The following EYA4 variants were observed in gnomAD, a reference collection of about 807,000 sequenced individuals.
EYA4 encodes the protein protein phosphatase EYA4.
Under a neutral mutation model 87.9 loss-of-function variants are expected in EYA4, and 31 were observed. The observed-to-expected ratio is 0.35, with a 90% confidence interval of 0.27 to 0.48. The LOEUF is 0.48. EYA4 is among the 20% of genes least tolerant of loss of function. EYA4 has a pLI of 0.99. For synonymous variants in EYA4, 263 were observed against 270.6 expected (o/e 0.97, Z 0.28); for missense variants, 678 against 761.4 (o/e 0.89, Z 1.29).
At chr6:133,249,758 T>G (rs1020399277) in intron 1 of EYA4, among the ~76,000 whole-genome samples, 4 of 152,240 alleles carry the variant, frequency 2.6e-5, no homozygotes, top group African/African-American at 9.6e-5. Flanking sequence ...TGTTAGCTCC[T>G]CTGATAAGTT....
intron 2 of EYA4, among the ~76,000 whole-genome samples, chr6:133,329,399 A>T (rs1312725037): frequency 6.6e-6 from 1 of 152,110 alleles, no homozygotes; most frequent in Non-Finnish European, 1.5e-5. Flanking sequence ...GTAACCTCTC[A>T]TGAAAGAGAT....
chr6:133,269,600 G>C (rs1312292068), intron 1 of EYA4, among the ~76,000 whole-genome samples: 1 of 152,110 alleles, frequency 6.6e-6, no homozygotes, highest in African/African-American at 2.4e-5. Flanking sequence ...AATAAGGAAA[G>C]TAACATGTAC....
At chr6:133,352,640 A>G (rs1179895229) in intron 2 of EYA4, among the ~76,000 whole-genome samples, 2 of 152,176 alleles carry the variant, frequency 1.3e-5, no homozygotes, top group South Asian at 2.1e-4. Context: ...CTATTTCATC[A>G]GTAAATACAA....
At position 133,462,409 on chromosome 6, in the gene EYA4, G is replaced by T. The variant is rs1157191952; in HGVS notation, c.512G>T (p.Gly171Val). 1.2e-6 allele frequency: 2 copies of T among 1,613,932 alleles called. No individual in the cohort carries two copies. Among genetic ancestry groups the T allele is most frequent in the Admixed American group, 3.3e-5 (2 of 59,982 alleles). Residue 171 changes from glycine to valine, a missense_variant, in exon 8 of 20, where the codon GGG (glycine) becomes GTG (valine). Gly to Val is a moderately radical substitution (Grantham distance 109). Transcript: ENST00000355286. The part of the protein sequence containing the change: ...SAYAGQTQYS[G>V]MQQPAVYTAY... Reference sequence around the variant, plus strand: ...TATGCAGGCCAGACTCAGTATTCGGGGATGCAGCAGCCAGCCGTCTACACA... The same window carrying T: ...TATGCAGGCCAGACTCAGTATTCGGTGATGCAGCAGCCAGCCGTCTACACA...
intron 2 of EYA4, among the ~76,000 whole-genome samples, chr6:133,313,778 T>G (rs1052970161): frequency 6.6e-6 from 1 of 152,220 alleles, no homozygotes. Flanking sequence ...AGTAGGACTT[T>G]GTTTTCTGTC....
At chr6:133,294,644 T>C (rs1303728104) in intron 2 of EYA4, among the ~76,000 whole-genome samples, 2 of 152,164 alleles carry the variant, frequency 1.3e-5, no homozygotes, top group East Asian at 3.9e-4. Context: ...CTCGATTCAC[T>C]GCAACCTCCT....
At chr6:133,482,986 T>A in intron 12 of EYA4, 46 bp from the exon 13 acceptor site, 1 of 1,468,402 alleles carries the variant, frequency 6.8e-7, no homozygotes, top group Non-Finnish European at 9.5e-7. Flanking sequence ...GAGATTTCTG[T>A]TTCCTTGGAC....
intron 2 of EYA4, among the ~76,000 whole-genome samples, chr6:133,377,211 T>G (rs1337684450): frequency 6.6e-6 from 1 of 152,038 alleles, no homozygotes; most frequent in South Asian, 2.1e-4. Context: ...ACTTGAAAAG[T>G]AAGAATCAAC....
intron 13 of EYA4, among the ~76,000 whole-genome samples, chr6:133,488,992 A>G (rs1309220132): frequency 6.6e-6 from 1 of 152,182 alleles, no homozygotes; most frequent in Non-Finnish European, 1.5e-5. Flanking sequence ...TTTTTTGAGG[A>G]ATCGCAACAA....
intron 1 of EYA4, among the ~76,000 whole-genome samples, chr6:133,251,892 A>C (rs953994365): frequency 6.6e-6 from 1 of 152,200 alleles, no homozygotes; most frequent in Non-Finnish European, 1.5e-5. Flanking sequence ...GAGAATCCTA[A>C]TACCTTCCTC....
intron 11 of EYA4, among the ~76,000 whole-genome samples, chr6:133,475,062 A>G (rs1795607776): frequency 6.6e-6 from 1 of 152,090 alleles, no homozygotes; most frequent in Non-Finnish European, 1.5e-5. Flanking sequence ...CATGTATAGT[A>G]TTGGGTCAAG....
chr6:133,356,300 A>G (rs953069087), intron 2 of EYA4, among the ~76,000 whole-genome samples: 7 of 152,326 alleles, frequency 4.6e-5, no homozygotes, highest in African/African-American at 1.7e-4. Context: ...TATCACCAAC[A>G]TTAAAGTCAA....
At chr6:133,310,224 A>G (rs1285305339) in intron 2 of EYA4, among the ~76,000 whole-genome samples, 1 of 152,192 alleles carries the variant, frequency 6.6e-6, no homozygotes, top group African/African-American at 2.4e-5. Flanking sequence ...TCTTAGCAAA[A>G]TATTGGTTGG....
At chr6:133,351,222 T>G (rs1035565840) in intron 2 of EYA4, among the ~76,000 whole-genome samples, 1 of 152,222 alleles carries the variant, frequency 6.6e-6, no homozygotes, top group African/African-American at 2.4e-5. Context: ...AGGTGTGAAC[T>G]TTCAGGATCT....
At chr6:133,334,211 C>T (rs1305763585) in intron 2 of EYA4, among the ~76,000 whole-genome samples, 3 of 152,204 alleles carry the variant, frequency 2.0e-5, no homozygotes, top group African/African-American at 7.2e-5. Flanking sequence ...GATGCATATG[C>T]TAAAAGAAAA....
In EYA4 at chr6:133,466,693, G is replaced by C. The variant is rs183782771; in HGVS notation, c.804+1835G>C. ...GACTTCTAAGAGTTAGGTGAAGAAG[G>C]AGGGCAGTGGTGTTTCAGGCAAAGA... is the stretch of plus-strand genomic sequence containing the variant. On this transcript the variant is annotated intron_variant, in intron 10 of 19. Transcript: ENST00000355286. 7.5e-4 allele frequency among the ~76,000 whole-genome samples: 114 copies of C among 152,102 alleles called. 1 individual carries two copies. Among genetic ancestry groups the C allele is most frequent in the Middle Eastern group, 3.4e-3 (1 of 294 alleles).
At chr6:133,474,959 A>G (rs1426312591) in intron 11 of EYA4, among the ~76,000 whole-genome samples, 2 of 152,120 alleles carry the variant, frequency 1.3e-5, no homozygotes, top group Non-Finnish European at 1.5e-5. Flanking sequence ...TGATTTAGAG[A>G]TAAGCCTAAT....
chr6:133,354,819 G>A (rs1054189472), intron 2 of EYA4, among the ~76,000 whole-genome samples: 3 of 152,192 alleles, frequency 2.0e-5, no homozygotes, highest in African/African-American at 7.2e-5. Flanking sequence ...TGTTTATGAA[G>A]GCATTCAGCT....
chr6:133,382,089 A>G lies in EYA4; in HGVS notation c.34-303A>G, dbSNP rs376246925. On this transcript the variant is annotated intron_variant, in intron 2 of 19. Transcript: ENST00000355286. The stretch of plus-strand genomic sequence containing the variant: ...CATTTCTTAGTGGATTGAGAACAGT[A>G]TGCTTTCTAGTTCCTAAGTGGGAAA... 5.9e-5 allele frequency among the ~76,000 whole-genome samples: 9 copies of G among 152,266 alleles called. 1 individual carries two copies. The highest frequency in any genetic ancestry group is 3.9e-4 in the East Asian group (2 of 5,178).
Sources: gnomAD v4.1 joint callset for allele counts (sites outside exome capture counted in the v4.1 genomes callset) on GRCh38, gnomAD v4.1.1 for gene constraint, MANE v1.5 for transcripts, NCBI Gene and HGNC (gene_info 2026-07-23, HGNC 2026-07-21) for gene names.